The following HMGA2 variants were observed in gnomAD, a reference collection of about 807,000 sequenced individuals.
HMGA2 encodes high mobility group protein HMGI-C.
In HMGA2, 8 loss-of-function variants were observed where a neutral mutation model predicts 19.1. That is an observed-to-expected ratio of 0.42 (90% CI 0.25 to 0.76). HMGA2 has a LOEUF of 0.76. Among genes scored for constraint, HMGA2 ranks in the 30% least tolerant of loss-of-function variants. HMGA2 has a pLI of 0.28. For synonymous variants in HMGA2, 60 were observed against 48.8 expected, an observed-to-expected ratio of 1.23 and a Z score of -0.96; for missense variants, 109 against 136.3, an observed-to-expected ratio of 0.80 and a Z score of 1.00.
chr12:65,879,268 C>A (rs1159962003), intron 3 of HMGA2, among the ~76,000 whole-genome samples: 1 of 151,666 alleles, frequency 6.6e-6, no homozygotes, highest in Non-Finnish European at 1.5e-5. Flanking sequence ...GCTGGGACTA[C>A]AGGCATGTGC....
intron 3 of HMGA2, among the ~76,000 whole-genome samples, chr12:65,923,123 G>A (rs2121245613): frequency 6.6e-6 from 1 of 152,220 alleles, no homozygotes; most frequent in Non-Finnish European, 1.5e-5. Flanking sequence ...GAAACGAGGG[G>A]AAGCTGCTCA....
intron 3 of HMGA2, among the ~76,000 whole-genome samples, chr12:65,943,364 CA>C (rs1364883719): frequency 1.3e-5 from 2 of 152,058 alleles, no homozygotes; most frequent in Non-Finnish European, 1.5e-5. Flanking sequence ...AGAGGGAAGG[CA>C]AAAACTCCAA....
chr12:65,961,817 T>C (rs1226849140), intron 4 of HMGA2, among the ~76,000 whole-genome samples: 2 of 152,066 alleles, frequency 1.3e-5, no homozygotes, highest in Non-Finnish European at 2.9e-5. Context: ...GGGGTTTTTT[T>C]CTCCCATTTG....
At chr12:65,907,660 C>T (rs1258178208) in intron 3 of HMGA2, among the ~76,000 whole-genome samples, 7 of 152,080 alleles carry the variant, frequency 4.6e-5, no homozygotes, top group Non-Finnish European at 8.8e-5. Flanking sequence ...TGGCCACTTA[C>T]AAGGCACACA....
chr12:65,829,718 T>A (rs561451824), intron 2 of HMGA2, among the ~76,000 whole-genome samples: 1 of 152,182 alleles, frequency 6.6e-6, no homozygotes, highest in South Asian at 2.1e-4. Context: ...CTATATTTCA[T>A]GTTTTTTGGA....
intron 3 of HMGA2, among the ~76,000 whole-genome samples, chr12:65,853,981 T>C (rs1279977050): frequency 1.3e-5 from 2 of 152,352 alleles, no homozygotes. Context: ...CCCATGCTCA[T>C]GAATCATAAG....
intron 2 of HMGA2, among the ~76,000 whole-genome samples, chr12:65,831,457 A>T (rs977145396): frequency 7.3e-6 from 1 of 137,418 alleles, no homozygotes; most frequent in Non-Finnish European, 1.7e-5. Context: ...AATGAAAATA[A>T]AAAAAAAAGA....
chr12:65,954,838 A>G (rs947069008), intron 4 of HMGA2: 1 of 152,246 alleles, frequency 6.6e-6, no homozygotes, highest in African/African-American at 2.4e-5. Context: ...CAATGAAAAC[A>G]GCTTACAAAA....
At chr12:65,954,809 TTTTCTAAAATTCCAAAACCAATGAAAA>T (rs1294196887) in intron 4 of HMGA2, 1 of 152,206 alleles carries the variant, frequency 6.6e-6, no homozygotes, top group Non-Finnish European at 1.5e-5. Context: ...ACGTTAACTT[TTTTCTAAAATTCCAAAACCAATGAAAA>T]CAGCTTACAA....
chr12:65,919,692 G>T (rs1266150726), intron 3 of HMGA2, among the ~76,000 whole-genome samples: 1 of 152,222 alleles, frequency 6.6e-6, no homozygotes, highest in Non-Finnish European at 1.5e-5. Flanking sequence ...GAATTACAAT[G>T]TCTGTGAATC....
At chr12:65,868,142 G>T (rs1872525395) in intron 3 of HMGA2, among the ~76,000 whole-genome samples, 1 of 152,186 alleles carries the variant, frequency 6.6e-6, no homozygotes, top group African/African-American at 2.4e-5. Context: ...CTAAAGAGGA[G>T]AATCTGTTGA....
chr12:65,838,074 T>A (rs1332673348), intron 2 of HMGA2, among the ~76,000 whole-genome samples: 2 of 152,184 alleles, frequency 1.3e-5, no homozygotes, highest in African/African-American at 4.8e-5. Context: ...AATTGTAAAG[T>A]AATATGTCAA....
chr12:65,843,520 C>T (rs927805790), intron 3 of HMGA2: 2 of 185,430 alleles, frequency 1.1e-5, no homozygotes, highest in African/African-American at 4.7e-5. Context: ...ATCTACTACA[C>T]ACATTCTTTG....
At chr12:65,843,679 C>A (rs1230159951) in intron 3 of HMGA2, among the ~76,000 whole-genome samples, 1 of 151,798 alleles carries the variant, frequency 6.6e-6, no homozygotes, top group Non-Finnish European at 1.5e-5. Context: ...CACACACACA[C>A]ACACACACAC....
intron 3 of HMGA2, among the ~76,000 whole-genome samples, chr12:65,870,076 A>G (rs1195208950): frequency 6.6e-6 from 1 of 152,178 alleles, no homozygotes; most frequent in Non-Finnish European, 1.5e-5. Flanking sequence ...TTTGTTGAAT[A>G]CAACGTATGT....
intron 4 of HMGA2, among the ~76,000 whole-genome samples, chr12:65,960,852 CCA>C (rs1876733264): frequency 6.6e-6 from 1 of 152,202 alleles, no homozygotes; most frequent in African/African-American, 2.4e-5. Flanking sequence ...ATATGACCTA[CCA>C]CCATTTTCAT....
At chr12:65,862,381 C>T (rs982400694) in intron 3 of HMGA2, among the ~76,000 whole-genome samples, 8 of 151,922 alleles carry the variant, frequency 5.3e-5, no homozygotes, top group African/African-American at 1.9e-4. Flanking sequence ...ACCACCACTA[C>T]TACAGTTTGC....
At chr12:65,872,893 C>T (rs1872779738) in intron 3 of HMGA2, among the ~76,000 whole-genome samples, 1 of 152,184 alleles carries the variant, frequency 6.6e-6, no homozygotes, top group Non-Finnish European at 1.5e-5. Flanking sequence ...AATCTTGCCT[C>T]CTACTACCCA....
chr12:65,932,705 G>C (rs868040318), intron 3 of HMGA2, among the ~76,000 whole-genome samples: 28 of 152,156 alleles, frequency 1.8e-4, no homozygotes, highest in Admixed American at 4.6e-4. Flanking sequence ...TCCTTGAATA[G>C]TACTACAGAT....
Sources: gnomAD v4.1 joint callset for allele counts (sites outside exome capture counted in the v4.1 genomes callset) on GRCh38, gnomAD v4.1.1 for gene constraint, MANE v1.5 for transcripts, NCBI Gene and HGNC (gene_info 2026-07-23, HGNC 2026-07-21) for gene names.